The following DNAAF1 variants were observed in gnomAD, a reference collection of about 807,000 sequenced individuals.
DNAAF1 encodes dynein assembly factor 1, axonemal.
In DNAAF1, 65 loss-of-function variants were observed where a neutral mutation model predicts 71.1. The observed-to-expected ratio is 0.91, with a 90% CI of 0.75 to 1.12. The LOEUF is 1.12. Ranked by LOEUF, DNAAF1 falls within the 50% of genes most tolerant of loss-of-function variation. The pLI is 0.00. For synonymous variants in DNAAF1, 414 were observed against 354.6 expected (o/e 1.17, Z -1.88); for missense variants, 1,178 against 899.8 (o/e 1.31, Z -3.96).
In DNAAF1 at chr16:84,154,669, G is replaced by T. The variant is rs749082639; in HGVS notation, c.445G>T (p.Ala149Ser). The change falls in exon 4 of 12, where the codon GCC becomes TCC. Residue 149 changes from alanine to serine, a missense_variant. By Grantham distance (99) the Ala-to-Ser change is moderately conservative. Coordinates refer to ENST00000378553, the MANE Select transcript of DNAAF1 (RefSeq NM_178452.6). ...AATACAGAAAATCGAAAACCTGGAG[G>T]CCCAAACTGAGTTGCGTTGCCTCTT... ...NGIQKIENLE[A>S]QTELRCLFLQ... The T allele has an allele frequency of 6.2e-7, 1 of 1,614,124 alleles. No homozygotes were observed.
At chr16:84,164,935 G>A (rs755937023) in intron 6 of DNAAF1, among the ~76,000 whole-genome samples, 38 of 152,058 alleles carry the variant, frequency 2.5e-4, no homozygotes, top group Admixed American at 7.2e-4. Context: ...CAGCGTTGCC[G>A]TGTTTTGGAT....
At chr16:84,146,428 C>A (rs879679923) in intron 1 of DNAAF1, among the ~76,000 whole-genome samples, 2 of 151,958 alleles carry the variant, frequency 1.3e-5, no homozygotes, top group African/African-American at 2.4e-5. Context: ...TGAAAGATAA[C>A]CTTCATGGCC....
intron 10 of DNAAF1, 133 bp from the exon 11 acceptor site, chr16:84,175,800 C>T: frequency 8.4e-7 from 1 of 1,184,744 alleles, no homozygotes; most frequent in Non-Finnish European, 1.2e-6. Flanking sequence ...CCTGTGTTCC[C>T]TTGGGCCTTT....
At chr16:84,149,923 G>C (rs1469406639) in intron 2 of DNAAF1, among the ~76,000 whole-genome samples, 1 of 151,968 alleles carries the variant, frequency 6.6e-6, no homozygotes, top group African/African-American at 2.4e-5. Context: ...TACTCGGGAG[G>C]CTGAGGCAGG....
At chr16:84,175,872 A>G in intron 10 of DNAAF1, 61 bp from the exon 11 acceptor site, 3 of 1,588,690 alleles carry the variant, frequency 1.9e-6, no homozygotes, top group Non-Finnish European at 2.6e-6. Context: ...GGCATGGTGC[A>G]TTGTAGAGCG....
At chr16:84,168,202 G>A (rs984431965) in intron 7 of DNAAF1, among the ~76,000 whole-genome samples, 2 of 152,092 alleles carry the variant, frequency 1.3e-5, no homozygotes, top group African/African-American at 4.8e-5. Context: ...TCCCTGGCTC[G>A]TGGCCCCTTC....
In DNAAF1 at chr16:84,170,122, G is replaced by C. The variant is rs144990549; in HGVS notation, c.1294G>C (p.Glu432Gln). 4 of 1,583,394 alleles carry C rather than the reference G, an allele frequency of 2.5e-6. No individual in the cohort carries two copies. The highest frequency in any genetic ancestry group is 4.8e-5 in the East Asian group (2 of 41,990). Reference protein sequence around the residue: ...LLSSPVEVKGEDGDGEPEGTL... With the variant: ...LLSSPVEVKGQDGDGEPEGTL... ...GTCGTCACCTGTGGAGGTTAAAGGAGAGGACGGAGATGGAGAGCCAGAGGG... is the reference window on the plus strand; with the variant it reads ...GTCGTCACCTGTGGAGGTTAAAGGACAGGACGGAGATGGAGAGCCAGAGGG... Residue 432 changes from glutamate (E) to glutamine (Q), a missense_variant, in exon 8 of 12, where the codon GAG becomes CAG. Physicochemically the swap from Glu to Gln is conservative, Grantham distance 29. Transcript: ENST00000378553.
In DNAAF1 at chr16:84,149,912, C is replaced by A. The variant is rs139888477; in HGVS notation, c.261-339C>A. On this transcript the variant is annotated intron_variant, in intron 2 of 11. Coordinates refer to ENST00000378553, the MANE Select transcript of DNAAF1 (RefSeq NM_178452.6). Reference sequence around the variant, plus strand: ...TGGTGGCGCATGCCTGTAATCCCAGCTACTCGGGAGGCTGAGGCAGGAGAA... The same window carrying A: ...TGGTGGCGCATGCCTGTAATCCCAGATACTCGGGAGGCTGAGGCAGGAGAA... Among the ~76,000 whole-genome samples, 538 of 151,806 alleles carry A rather than the reference C, an allele frequency of 3.5e-3. 3 individuals carry two copies. The highest frequency in any genetic ancestry group is 0.012 in the African/African-American group (515 of 41,396).
At chr16:84,154,544 G>A in intron 3 of DNAAF1, 33 bp from the exon 4 acceptor site, 3 of 1,599,038 alleles carry the variant, frequency 1.9e-6, no homozygotes, top group South Asian at 1.1e-5. Context: ...CTGGGAGTAG[G>A]AGCTTAATTC....
At chr16:84,147,103 A>G (rs1294530145) in intron 1 of DNAAF1, among the ~76,000 whole-genome samples, 7 of 152,226 alleles carry the variant, frequency 4.6e-5, no homozygotes, top group African/African-American at 1.7e-4. Context: ...CTCATCTGTA[A>G]GCTGGAATAA....
At chr16:84,147,376 C>A (rs2086963570) in intron 1 of DNAAF1, among the ~76,000 whole-genome samples, 1 of 152,214 alleles carries the variant, frequency 6.6e-6, no homozygotes, top group African/African-American at 2.4e-5. Context: ...CAGCAGACAA[C>A]AGCTCTTAAA....
At chr16:84,150,650 C>G (rs2087140660) in intron 3 of DNAAF1, among the ~76,000 whole-genome samples, 5 of 125,672 alleles carry the variant, frequency 4.0e-5, no homozygotes, top group East Asian at 2.3e-4. Context: ...GTGTCTTGCT[C>G]TGTTGCCCAA....
At chr16:84,152,392 C>T (rs181535783) in intron 3 of DNAAF1, among the ~76,000 whole-genome samples, 187 of 152,318 alleles carry the variant, frequency 1.2e-3, no homozygotes, top group Non-Finnish European at 2.3e-3. Flanking sequence ...GTGGCTCACG[C>T]CTGTGATCCC....
At position 84,172,366 on chromosome 16, in the gene DNAAF1, C is replaced by G. The variant is rs751299149; in HGVS notation, c.1635C>G (p.Phe545Leu). ...TTAGACTGGAGACAAAGGAGACATT[C>G]TGCATTGATGTACATGAAGTATTTA... ...ETIRLETKETFCIDDLPDLED... is the reference protein window; with the variant it reads ...ETIRLETKETLCIDDLPDLED... The change falls in exon 9 of 12, where the codon TTC becomes TTG. Residue 545 changes from phenylalanine to leucine, a missense_variant. Phe to Leu is a conservative substitution (Grantham distance 22). Coordinates refer to ENST00000378553, the MANE Select transcript of DNAAF1 (RefSeq NM_178452.6). The G allele has an allele frequency of 2.8e-5, 45 of 1,613,846 alleles. 1 individual carries two copies. In the South Asian group the frequency reaches 4.6e-4, roughly 17 times the overall value.
intron 7 of DNAAF1, among the ~76,000 whole-genome samples, chr16:84,166,370 C>CTTTTTT (rs535417461): frequency 2.4e-4 from 29 of 118,784 alleles, no homozygotes; most frequent in African/African-American, 2.6e-4. Context: ...TTCTTTTTTT[C>CTTTTTT]TTTTTTTTTT....
chr16:84,158,479 C>G (rs2087547105), intron 5 of DNAAF1, among the ~76,000 whole-genome samples: 1 of 152,196 alleles, frequency 6.6e-6, no homozygotes. Flanking sequence ...AAAGTCTTAT[C>G]TCCAAATACA....
chr16:84,147,585 A>G (rs2086971623), intron 1 of DNAAF1, among the ~76,000 whole-genome samples: 1 of 152,002 alleles, frequency 6.6e-6, no homozygotes, highest in South Asian at 2.1e-4. Flanking sequence ...CAGCCTCCTG[A>G]GTAGCTGGGA....
intron 9 of DNAAF1, chr16:84,173,666 T>C: frequency 3.6e-6 from 1 of 278,336 alleles, no homozygotes; most frequent in Non-Finnish European, 5.5e-6. Context: ...AAACCCCATC[T>C]CTACTAAAAA....
chr16:84,154,187 G>C (rs6564001), intron 3 of DNAAF1, among the ~76,000 whole-genome samples: 145,330 of 152,264 alleles, frequency 0.95, 69,410 homozygotes, highest in East Asian at 1. Flanking sequence ...GTGGCTTGTA[G>C]ACAACAAAAA....
Sources: allele counts gnomAD v4.1 joint callset (sites outside exome capture counted in the v4.1 genomes callset), GRCh38; gene constraint gnomAD v4.1.1; transcripts MANE v1.5; gene names NCBI Gene and HGNC (gene_info 2026-07-23, HGNC 2026-07-21).